GABRB1: variants seen among roughly 807,000 people sequenced by gnomAD.
GABRB1 encodes gamma-aminobutyric acid type A receptor subunit beta1, also known as gamma-aminobutyric acid receptor subunit beta-1.
Under a neutral mutation model 51.6 loss-of-function variants are expected in GABRB1, and 17 were observed. The observed-to-expected ratio is 0.33, with a 90% confidence interval of 0.23 to 0.49. The LOEUF is 0.49. GABRB1 is among the 20% of genes least tolerant of loss of function. The pLI, the probability that GABRB1 is intolerant of heterozygous loss-of-function variation, is 0.99. For missense variants in GABRB1, 410 were observed against 600.6 expected (o/e 0.68, Z 3.32); for synonymous variants, 247 against 218.9 (o/e 1.13, Z -1.14).
At chr4:47,165,032 G>A (rs183875459) in intron 4 of GABRB1, among the ~76,000 whole-genome samples, 84 of 152,150 alleles carry the variant, frequency 5.5e-4, no homozygotes, top group African/African-American at 1.7e-3. Flanking sequence ...ATGATGTGCC[G>A]TAAGTTGTGT....
chr4:47,294,152 C>T (rs1031802159), intron 4 of GABRB1, among the ~76,000 whole-genome samples: 3 of 152,138 alleles, frequency 2.0e-5, no homozygotes, highest in Non-Finnish European at 4.4e-5. Flanking sequence ...GGAACAGCTC[C>T]GTTCTACAGC....
At chr4:47,055,017 C>A (rs987361046) in intron 3 of GABRB1, among the ~76,000 whole-genome samples, 4 of 152,188 alleles carry the variant, frequency 2.6e-5, no homozygotes, top group African/African-American at 9.6e-5. Context: ...CATGGCAGAA[C>A]CTGAACTGTT....
At chr4:47,376,969 C>G (rs1727404879) in intron 5 of GABRB1, among the ~76,000 whole-genome samples, 1 of 151,970 alleles carries the variant, frequency 6.6e-6, no homozygotes, top group Admixed American at 6.6e-5. Context: ...TTTGTATAGC[C>G]CTTTATTTTA....
intron 5 of GABRB1, among the ~76,000 whole-genome samples, chr4:47,398,936 G>C (rs953867548): frequency 2.6e-5 from 4 of 152,150 alleles, no homozygotes; most frequent in African/African-American, 9.7e-5. Context: ...GACTATAGGG[G>C]CCCGCCACCA....
At chr4:47,200,886 T>C (rs1300568699) in intron 4 of GABRB1, among the ~76,000 whole-genome samples, 1 of 152,150 alleles carries the variant, frequency 6.6e-6, no homozygotes, top group Non-Finnish European at 1.5e-5. Context: ...TTACTTGTAT[T>C]TCAAGCAGCC....
intron 5 of GABRB1, among the ~76,000 whole-genome samples, chr4:47,362,398 A>C (rs1726839307): frequency 6.6e-6 from 1 of 152,100 alleles, no homozygotes; most frequent in Admixed American, 6.6e-5. Flanking sequence ...GGATAGGTGG[A>C]GTGACCTCAG....
chr4:47,296,642 T>G (rs909786329), intron 4 of GABRB1, among the ~76,000 whole-genome samples: 1 of 152,084 alleles, frequency 6.6e-6, no homozygotes, highest in African/African-American at 2.4e-5. Flanking sequence ...AGACTTAGAC[T>G]CCCACACAAT....
chr4:47,216,848 C>A (rs1160319840), intron 4 of GABRB1, among the ~76,000 whole-genome samples: 3 of 151,852 alleles, frequency 2.0e-5, no homozygotes, highest in Non-Finnish European at 4.4e-5. Flanking sequence ...CCAGGAAGTC[C>A]AGCCCTAAGT....
chr4:47,159,461 T>C (rs963376688), intron 3 of GABRB1, among the ~76,000 whole-genome samples: 2 of 151,580 alleles, frequency 1.3e-5, no homozygotes, highest in African/African-American at 4.8e-5. Flanking sequence ...TTGTAGAGGA[T>C]GCAAATGAGA....
chr4:47,408,433 TA>T (rs1367957441), intron 8 of GABRB1, among the ~76,000 whole-genome samples: 2 of 152,198 alleles, frequency 1.3e-5, no homozygotes, highest in Non-Finnish European at 2.9e-5. Flanking sequence ...TGCTCTTTAG[TA>T]GGACGAAAGT....
At position 47,273,863 on chromosome 4, in the gene GABRB1, A is replaced by T. The variant is rs528484171; in HGVS notation, c.462-46264A>T. Among the ~76,000 whole-genome samples, 96 of 55,882 alleles carry T rather than the reference A, an allele frequency of 1.7e-3. No homozygotes were observed. The East Asian group carries it at 0.036, about 21-fold the overall frequency. The allele number at this position is 55,882 out of a possible 152,430, so 36.7% of individuals were successfully genotyped here. A position where few individuals can be genotyped will look rare whatever the true frequency, so the allele number is the denominator to read the frequency against. ...CTGTTTGAAAGTAAACCATATATAC[A>T]TACACACACACACACACACACACAC... On this transcript the variant is annotated intron_variant, in intron 4 of 8. Coordinates refer to ENST00000295454, the MANE Select transcript of GABRB1 (RefSeq NM_000812.4).
chr4:47,104,762 T>A (rs1714883184), intron 3 of GABRB1, among the ~76,000 whole-genome samples: 1 of 152,036 alleles, frequency 6.6e-6, no homozygotes, highest in Non-Finnish European at 1.5e-5. Flanking sequence ...ATGCTTTCCA[T>A]ATCTAACATT....
intron 8 of GABRB1, among the ~76,000 whole-genome samples, chr4:47,407,379 C>A (rs1728611664): frequency 1.3e-5 from 2 of 152,078 alleles, no homozygotes; most frequent in South Asian, 4.1e-4. Flanking sequence ...TTTATCTAAC[C>A]TTTTCTCTCA....
At chr4:47,337,602 C>T (rs1482286440) in intron 5 of GABRB1, among the ~76,000 whole-genome samples, 1 of 151,582 alleles carries the variant, frequency 6.6e-6, no homozygotes, top group African/African-American at 2.4e-5. Flanking sequence ...GTCAGGAGTT[C>T]GAGACCAACC....
At chr4:47,391,977 T>A (rs998663552) in intron 5 of GABRB1, among the ~76,000 whole-genome samples, 6 of 152,158 alleles carry the variant, frequency 3.9e-5, no homozygotes, top group Non-Finnish European at 7.4e-5. Flanking sequence ...GCATGGTATG[T>A]TCAGTACTAC....
At chr4:47,261,330 A>T (rs1311932887) in intron 4 of GABRB1, among the ~76,000 whole-genome samples, 6 of 152,222 alleles carry the variant, frequency 3.9e-5, no homozygotes, top group Admixed American at 3.9e-4. Flanking sequence ...CCTTAACCTG[A>T]TAAGCAACTC....
chr4:47,370,647 A>G (rs550707093), intron 5 of GABRB1, among the ~76,000 whole-genome samples: 2 of 152,326 alleles, frequency 1.3e-5, no homozygotes, highest in African/African-American at 4.8e-5. Context: ...TGCTATGAGC[A>G]CCAAATGATA....
At chr4:47,072,280 A>G (rs1446187959) in intron 3 of GABRB1, among the ~76,000 whole-genome samples, 4 of 152,204 alleles carry the variant, frequency 2.6e-5, no homozygotes, top group African/African-American at 7.2e-5. Context: ...GACATTTACC[A>G]TAGAGATTAC....
At chr4:47,025,836 A>C (rs534292350) in intron 1 of GABRB1, among the ~76,000 whole-genome samples, 83 of 151,906 alleles carry the variant, frequency 5.5e-4, no homozygotes, top group South Asian at 4.4e-3. Context: ...CTCTCCTCTC[A>C]CCACTGCAAA....
Sources: gnomAD v4.1 joint callset for allele counts (sites outside exome capture counted in the v4.1 genomes callset) on GRCh38, gnomAD v4.1.1 for gene constraint, MANE v1.5 for transcripts, NCBI Gene and HGNC (gene_info 2026-07-23, HGNC 2026-07-21) for gene names.